ABLIM1: variants seen among roughly 807,000 people sequenced by gnomAD.
The protein encoded by ABLIM1 is actin binding LIM protein 1.
In ABLIM1, 40 loss-of-function variants were observed where a neutral mutation model predicts 107.0. That is an observed-to-expected ratio of 0.37 (90% confidence interval 0.29 to 0.49). ABLIM1 has a LOEUF of 0.49. ABLIM1 is among the 20% of genes least tolerant of loss of function. The pLI is 0.97. For synonymous variants in ABLIM1, 357 were observed against 357.3 expected (o/e 1.00, Z 0.01); for missense variants, 857 against 1,008.5 (o/e 0.85, Z 2.04).
intron 3 of ABLIM1, among the ~76,000 whole-genome samples, chr10:114,571,888 T>C (rs912984691): frequency 6.6e-6 from 1 of 152,210 alleles, no homozygotes; most frequent in African/African-American, 2.4e-5. Context: ...AGGATTAGAC[T>C]TTGTGCTGGA....
intron 1 of ABLIM1, among the ~76,000 whole-genome samples, chr10:114,616,544 C>G (rs1049725775): frequency 8.5e-5 from 13 of 152,240 alleles, no homozygotes; most frequent in African/African-American, 2.2e-4. Context: ...CCACAGGAAG[C>G]CACTGATGTG....
intron 1 of ABLIM1, among the ~76,000 whole-genome samples, chr10:114,614,179 C>T (rs1327284863): frequency 6.6e-6 from 1 of 152,070 alleles, no homozygotes; most frequent in Non-Finnish European, 1.5e-5. Flanking sequence ...AGGCCGGGTG[C>T]GGTGGCTTAC....
At chr10:114,472,550 A>G (rs1427761570) in intron 10 of ABLIM1, among the ~76,000 whole-genome samples, 2 of 152,080 alleles carry the variant, frequency 1.3e-5, no homozygotes, top group Non-Finnish European at 2.9e-5. Context: ...TTTCTTTCAC[A>G]TGCTAACTTT....
chr10:114,480,507 G>A (rs1402464133), intron 8 of ABLIM1, among the ~76,000 whole-genome samples: 3 of 152,206 alleles, frequency 2.0e-5, no homozygotes, highest in East Asian at 3.8e-4. Flanking sequence ...TGCAGTTGGA[G>A]AAATTCAGTT....
chr10:114,479,342 C>A (rs1378333021), intron 8 of ABLIM1, among the ~76,000 whole-genome samples: 1 of 152,228 alleles, frequency 6.6e-6, no homozygotes, highest in Non-Finnish European at 1.5e-5. Flanking sequence ...CTACACAGAA[C>A]TGGGCTTCCC....
chr10:114,690,544 C>A (rs1444527287), intron 1 of ABLIM1: 2 of 1,283,890 alleles, frequency 1.6e-6, no homozygotes, highest in Non-Finnish European at 1.1e-6. Flanking sequence ...AGGTTTTCTG[C>A]TGTCTTTGGA....
chr10:114,777,548 T>TG, the ABLIM1 span, among the ~76,000 whole-genome samples: 89 of 152,350 alleles, frequency 5.8e-4, no homozygotes, highest in Non-Finnish European at 8.1e-4. Context: ...CATGTATTTA[T>TG]GGCAGGATGC....
At chr10:114,795,758 C>G in the ABLIM1 span, among the ~76,000 whole-genome samples, 2 of 151,700 alleles carry the variant, frequency 1.3e-5, no homozygotes, top group Non-Finnish European at 2.9e-5. Context: ...ACTCAGTGGT[C>G]GCACAAACCT....
At chr10:114,718,074 G>GAAGA (rs1566269597) in intron 1 of ABLIM1, among the ~76,000 whole-genome samples, 11 of 78,194 alleles carry the variant, frequency 1.4e-4, no homozygotes, top group East Asian at 5.9e-4. Context: ...AGGAAGAAAG[G>GAAGA]AAGGAAGGAA....
intron 1 of ABLIM1, among the ~76,000 whole-genome samples, chr10:114,742,409 A>G (rs986816574): frequency 6.6e-6 from 1 of 152,202 alleles, no homozygotes; most frequent in African/African-American, 2.4e-5. Flanking sequence ...GGAAGATGCA[A>G]TTGATCTTTG....
At chr10:114,515,366 C>T (rs1366262650) in intron 6 of ABLIM1, among the ~76,000 whole-genome samples, 1 of 152,172 alleles carries the variant, frequency 6.6e-6, no homozygotes, top group Non-Finnish European at 1.5e-5. Flanking sequence ...CCGATGGAAT[C>T]TCTTCCTGGG....
In ABLIM1 at chr10:114,640,394, A is replaced by G. The variant is rs111619861; in HGVS notation, c.244+17563T>C. 5.1e-3 allele frequency among the ~76,000 whole-genome samples: 779 copies of G among 152,266 alleles called. 7 individuals carry two copies. Among genetic ancestry groups the G allele is most frequent in the African/African-American group, 0.018 (742 of 41,554 alleles). ...ATACAAAAATTAGCTGGGCATGGTGACGGGTACCTGTAGTCCCAGCTACTT... is the reference window on the plus strand; with the variant it reads ...ATACAAAAATTAGCTGGGCATGGTGGCGGGTACCTGTAGTCCCAGCTACTT... On this transcript the variant is annotated intron_variant, in intron 1 of 22. Transcript: ENST00000533213.
At chr10:114,738,676 C>T (rs1456529279) in intron 1 of ABLIM1, among the ~76,000 whole-genome samples, 1 of 152,022 alleles carries the variant, frequency 6.6e-6, no homozygotes, top group African/African-American at 2.4e-5. Context: ...CTCACTTATG[C>T]TTTAATAGAT....
At chr10:114,778,799 C>T in the ABLIM1 span, 2 of 152,196 alleles carry the variant, frequency 1.3e-5, no homozygotes, top group Non-Finnish European at 2.9e-5. Context: ...ACTCACAGTT[C>T]TGTGTAATCC....
At chr10:114,654,355 G>A (rs916182257) in intron 1 of ABLIM1, among the ~76,000 whole-genome samples, 19 of 152,034 alleles carry the variant, frequency 1.2e-4, no homozygotes, top group African/African-American at 3.4e-4. Context: ...AATGACTAAT[G>A]CTGACTATAT....
intron 1 of ABLIM1, among the ~76,000 whole-genome samples, chr10:114,611,614 T>C (rs562249492): frequency 1.3e-5 from 2 of 152,362 alleles, no homozygotes; most frequent in South Asian, 4.1e-4. Flanking sequence ...AAACAGCTTC[T>C]GCTCAAATCC....
At chr10:114,716,447 C>CG (rs2081665555) in intron 1 of ABLIM1, among the ~76,000 whole-genome samples, 1 of 143,942 alleles carries the variant, frequency 6.9e-6, no homozygotes, top group African/African-American at 2.9e-5. Context: ...ACACACACCC[C>CG]TCCCCACAGC....
intron 1 of ABLIM1, among the ~76,000 whole-genome samples, chr10:114,673,181 C>T (rs1299999179): frequency 1.3e-5 from 2 of 150,812 alleles, no homozygotes; most frequent in Non-Finnish European, 2.9e-5. Flanking sequence ...TCACTTGAAC[C>T]TGGGAGGTGG....
At chr10:114,462,380 T>G (rs2064126476) in intron 12 of ABLIM1, among the ~76,000 whole-genome samples, 1 of 152,138 alleles carries the variant, frequency 6.6e-6, no homozygotes, top group Non-Finnish European at 1.5e-5. Context: ...TCCCCCAGTG[T>G]GGAGAGTCCC....
Sources: allele counts gnomAD v4.1 joint callset (sites outside exome capture counted in the v4.1 genomes callset), GRCh38; gene constraint gnomAD v4.1.1; transcripts MANE v1.5; gene names NCBI Gene and HGNC (gene_info 2026-07-23, HGNC 2026-07-21).